Variants in FCHO1 observed in about 807,000 individuals in gnomAD.
The protein encoded by FCHO1 is F-BAR domain only protein 1.
Under a neutral mutation model 114.4 loss-of-function variants are expected in FCHO1, and 45 were observed. That is an observed-to-expected ratio of 0.39 (90% confidence interval 0.31 to 0.50). The LOEUF (loss-of-function observed/expected upper bound fraction) is 0.50, where lower values mean the gene tolerates loss of function less well. Ranked by LOEUF, FCHO1 falls within the 20% of genes least tolerant of loss-of-function variation. FCHO1 has a pLI of 0.77. For missense variants in FCHO1, 1,042 were observed against 1,209.6 expected (o/e 0.86, Z 2.06); for synonymous variants, 480 against 488.9 (o/e 0.98, Z 0.24).
chr19:17,766,655 T>C lies in FCHO1; in HGVS notation c.195-14T>C. ...AGCCTGATGAACCCTGGGTGTGACC[T>C]TGCCCGCCCCCAGGACCTTCGCCCC... On this transcript the variant is annotated splice_polypyrimidine_tract_variant and intron_variant, in intron 6 of 28. Coordinates refer to ENST00000596536, the MANE Select transcript of FCHO1 (RefSeq NM_015122.3). The C allele has an allele frequency of 6.2e-7, 1 of 1,613,904 alleles. No individual in the cohort carries two copies. Among genetic ancestry groups the C allele is most frequent in the Non-Finnish European group, 8.5e-7 (1 of 1,179,968 alleles).
chr19:17,761,912 G>A (rs2086417576), intron 4 of FCHO1, among the ~76,000 whole-genome samples: 1 of 151,224 alleles, frequency 6.6e-6, no homozygotes, highest in Non-Finnish European at 1.5e-5. Context: ...GCCCGCCTCA[G>A]CCTCCCAAGG....
chr19:17,774,669 A>G (rs2092364786), intron 13 of FCHO1, 191 bp downstream of exon 13: 1 of 599,658 alleles, frequency 1.7e-6, no homozygotes, highest in South Asian at 2.0e-5. Context: ...CCGCTGCCCA[A>G]GCTAGTCCAG....
chr19:17,761,651 T>C (rs1325073126), intron 4 of FCHO1, among the ~76,000 whole-genome samples: 3 of 149,462 alleles, frequency 2.0e-5, no homozygotes, highest in African/African-American at 7.5e-5. Context: ...TATATATATA[T>C]ATACACACAC....
At chr19:17,755,921 A>C (rs1487364468) in intron 4 of FCHO1, among the ~76,000 whole-genome samples, 1 of 152,148 alleles carries the variant, frequency 6.6e-6, no homozygotes, top group African/African-American at 2.4e-5. Context: ...TGGGCAAAAG[A>C]CCAGAGATGT....
At chr19:17,786,519 T>C in intron 26 of FCHO1, 55 bp from the exon 27 acceptor site, 1 of 1,591,586 alleles carries the variant, frequency 6.3e-7, no homozygotes, top group Non-Finnish European at 8.6e-7. Context: ...GGCAGGACCC[T>C]GGGCTCTCAG....
chr19:17,750,709 T>G (rs2081674222), upstream of FCHO1, among the ~76,000 whole-genome samples: 1 of 152,118 alleles, frequency 6.6e-6, no homozygotes, highest in African/African-American at 2.4e-5. Context: ...TCCACCTGCC[T>G]CGGCCTCCCA....
rs866688724 is a variant in FCHO1 at position 17,775,812 on chromosome 19, G to C, written c.1004-171G>C. Among the ~76,000 whole-genome samples the C allele has an allele frequency of 1.3e-5, 2 of 152,054 alleles. No individual in the cohort carries two copies. Among genetic ancestry groups the C allele is most frequent in the African/African-American group, 4.8e-5 (2 of 41,400 alleles). On this transcript the variant is annotated intron_variant, in intron 15 of 28. Transcript: ENST00000596536. The surrounding 1 kb of genome is among the most constrained non-coding windows in gnomAD (Gnocchi z 5.1). Reference sequence around the variant, plus strand: ...ATGCTTGTGCAAAGGCTTCTCGGGGGGGGTGGGAGTGCTGGTGGGACATGG... The same window carrying C: ...ATGCTTGTGCAAAGGCTTCTCGGGGCGGGTGGGAGTGCTGGTGGGACATGG...
At chr19:17,748,543 G>A (rs1376563717), upstream of FCHO1, among the ~76,000 whole-genome samples, 1 of 150,610 alleles carries the variant, frequency 6.6e-6, no homozygotes, top group African/African-American at 2.4e-5. Flanking sequence ...GGGGCGGGGT[G>A]TACAGCTAGC....
intron 5 of FCHO1, among the ~76,000 whole-genome samples, chr19:17,763,628 G>A (rs982600558): frequency 5.8e-5 from 8 of 136,920 alleles, no homozygotes; most frequent in Non-Finnish European, 1.1e-4. Context: ...TCTGATCATA[G>A]CTCACTGCAG....
Position 17,786,546 on chromosome 19 carries a change from G to A in FCHO1, c.2427-28G>A, listed in dbSNP as rs773067442. 1.6e-5 allele frequency: 26 copies of A among 1,595,196 alleles called. No individual in the cohort carries two copies. In the African/African-American group the frequency reaches 3.4e-4, roughly 21 times the overall value. On this transcript the variant is annotated intron_variant, in intron 26 of 28. Coordinates refer to ENST00000596536, the MANE Select transcript of FCHO1 (RefSeq NM_015122.3). Reference sequence around the variant, plus strand: ...GGCTCTCAGCATCCTCTCTGGGGAAGCCCTGATTAAGATTCTTTCTCTGCC... The same window carrying A: ...GGCTCTCAGCATCCTCTCTGGGGAAACCCTGATTAAGATTCTTTCTCTGCC...
chr19:17,759,900 T>C (rs1355120583), intron 4 of FCHO1, among the ~76,000 whole-genome samples: 1 of 152,206 alleles, frequency 6.6e-6, no homozygotes, highest in Non-Finnish European at 1.5e-5. Flanking sequence ...ATTTTTTGTT[T>C]TCTGTAGATG....
intron 27 of FCHO1, 88 bp downstream of exon 27, chr19:17,786,717 A>C (rs752217725): frequency 2.6e-4 from 381 of 1,437,770 alleles, no homozygotes; most frequent in Non-Finnish European, 3.5e-4. Flanking sequence ...AATTGGGGAC[A>C]TACTGAGGGC....
Position 17,786,611 on chromosome 19 carries a change from G to A in FCHO1, c.2464G>A (p.Asp822Asn), listed in dbSNP as rs762695836. The change falls in exon 27 of 29, where the codon GAT (aspartate) becomes AAT (asparagine). Residue 822 changes from aspartate (D) to asparagine (N), a missense_variant. Physicochemically the swap from Asp to Asn is conservative, Grantham distance 23. This residue lies in a region of FCHO1 where 137 missense variants were observed against 190.0 expected (regional missense o/e 0.72). Coordinates refer to ENST00000596536, the MANE Select transcript of FCHO1 (RefSeq NM_015122.3). ...EEKRLTWRLP[D>N]VSEAGGSGRL... is the part of the protein sequence containing the mutation. ...GAAGCGGCTCACTTGGAGGCTTCCA[G>A]ATGTGTCCGAGGCAGGCGGTGAGCT... 7.4e-7 allele frequency: 1 copy of A among 1,357,994 alleles called. No individual in the cohort carries two copies. Among genetic ancestry groups the A allele is most frequent in the South Asian group, 1.1e-5 (1 of 87,512 alleles). The allele number at this position is 1,357,994 out of a possible 1,614,324, so 84.1% of individuals were successfully genotyped here.
chr19:17,785,297 G>T (rs1031496152), intron 26 of FCHO1, among the ~76,000 whole-genome samples: 3 of 152,180 alleles, frequency 2.0e-5, no homozygotes. Flanking sequence ...TCAGCTCACT[G>T]CAATCTCCGC....
intron 20 of FCHO1, among the ~76,000 whole-genome samples, chr19:17,779,898 G>C (rs1392759370): frequency 1.3e-5 from 2 of 151,990 alleles, no homozygotes; most frequent in African/African-American, 4.8e-5. Context: ...GGAGAGCAGA[G>C]GAGAGGACAG....
chr19:17,776,824 G>T lies in FCHO1; in HGVS notation c.1259+138G>T. 1 of 800,384 alleles carries T rather than the reference G, an allele frequency of 1.2e-6. No individual in the cohort carries two copies. Among genetic ancestry groups the T allele is most frequent in the Non-Finnish European group, 2.0e-6 (1 of 502,006 alleles). 49.6% of individuals were successfully genotyped at this position (800,384 alleles called of 1,614,324 possible). ...GTTTTTTTGTTTTTGTTTTTGTTTT[G>T]AGACAGAGTCTCACTCTGTCACCCA... On this transcript the variant is annotated intron_variant, in intron 18 of 28. Coordinates refer to ENST00000596536, the MANE Select transcript of FCHO1 (RefSeq NM_015122.3). The surrounding 1 kb of genome is among the most constrained non-coding windows in gnomAD (Gnocchi z 4.4).
At chr19:17,752,268 TA>T (rs2082159621) in intron 1 of FCHO1, 2 of 151,390 alleles carry the variant, frequency 1.3e-5, no homozygotes, top group African/African-American at 2.4e-5. Context: ...ATTTAATTAT[TA>T]TTTTTTTAAG....
intron 4 of FCHO1, among the ~76,000 whole-genome samples, chr19:17,757,182 TAAAAAAAA>T (rs768156240): frequency 2.4e-5 from 2 of 83,366 alleles, no homozygotes; most frequent in East Asian, 3.4e-4. Flanking sequence ...AGACTCCGTC[TAAAAAAAA>T]AAAAAAAAAA....
chr19:17,764,199 C>T (rs951918529), intron 5 of FCHO1, among the ~76,000 whole-genome samples, 176 bp from the exon 6 acceptor site: 2 of 152,164 alleles, frequency 1.3e-5, no homozygotes, highest in African/African-American at 2.4e-5. Flanking sequence ...CACCACCACA[C>T]CTGGCTAATT....
Sources: gnomAD v4.1 joint callset for allele counts (sites outside exome capture counted in the v4.1 genomes callset) on GRCh38, gnomAD v4.1.1 for gene constraint, gnomAD v4.1.1 regional missense constraint, Gnocchi (gnomAD v3.1) non-coding constraint, MANE v1.5 for transcripts, NCBI Gene and HGNC (gene_info 2026-07-23, HGNC 2026-07-21) for gene names.